Variants in STK39 observed in about 807,000 individuals in gnomAD.
The protein encoded by STK39 is serine/threonine kinase 39, also known as STE20/SPS1-related proline-alanine-rich protein kinase.
Under a neutral mutation model 77.8 loss-of-function variants are expected in STK39, and 20 were observed. The ratio of observed to expected loss-of-function variants is 0.26; its 90% confidence interval spans 0.18 to 0.37. The LOEUF is 0.37. STK39 is among the 10% of genes least tolerant of loss of function. STK39 has a pLI of 1.00. For synonymous variants in STK39, 246 were observed against 234.1 expected, an observed-to-expected ratio of 1.05 and a Z score of -0.47; for missense variants, 479 against 656.5, an observed-to-expected ratio of 0.73 and a Z score of 2.95.
chr2:168,051,859 T>G (rs1274754733), intron 14 of STK39, among the ~76,000 whole-genome samples: 1 of 151,948 alleles, frequency 6.6e-6, no homozygotes, highest in Non-Finnish European at 1.5e-5. Flanking sequence ...ACCTGAGAGC[T>G]CCCCTGAAAA....
chr2:168,136,266 G>T (rs1018169294), intron 8 of STK39, among the ~76,000 whole-genome samples: 1 of 151,388 alleles, frequency 6.6e-6, no homozygotes, highest in Non-Finnish European at 1.5e-5. Context: ...CTACTCGGGA[G>T]AGTGAGGCAG....
chr2:168,134,512 CAAAAA>C (rs34222654), intron 8 of STK39, among the ~76,000 whole-genome samples: 1 of 128,426 alleles, frequency 7.8e-6, no homozygotes. Flanking sequence ...CCCCTTGTTG[CAAAAA>C]AAAAAAAAAA....
At chr2:167,969,722 C>T (rs1336494493) in intron 16 of STK39, among the ~76,000 whole-genome samples, 1 of 152,216 alleles carries the variant, frequency 6.6e-6, no homozygotes, top group Non-Finnish European at 1.5e-5. Flanking sequence ...CAACTTGCCA[C>T]TAGACTCGTC....
intron 5 of STK39, among the ~76,000 whole-genome samples, chr2:168,151,678 G>A (rs1391883518): frequency 6.6e-6 from 1 of 151,060 alleles, no homozygotes; most frequent in Non-Finnish European, 1.5e-5. Flanking sequence ...GGTGGAGGTT[G>A]CAGTGAGCCG....
intron 1 of STK39, among the ~76,000 whole-genome samples, chr2:168,198,399 G>A (rs1689528102): frequency 6.6e-6 from 1 of 152,108 alleles, no homozygotes; most frequent in South Asian, 2.1e-4. Context: ...TAATTTCAAA[G>A]GGATAACCCA....
At chr2:168,232,384 C>T (rs1574578314) in intron 1 of STK39, among the ~76,000 whole-genome samples, 2 of 152,096 alleles carry the variant, frequency 1.3e-5, no homozygotes, top group Non-Finnish European at 2.9e-5. Flanking sequence ...TTTGTCACTC[C>T]CTTTCTTCCA....
chr2:168,029,742 AC>A (rs1189076521), intron 14 of STK39, among the ~76,000 whole-genome samples: 1 of 152,192 alleles, frequency 6.6e-6, no homozygotes. Context: ...AAGTCTATGT[AC>A]TGATTAGACA....
intron 8 of STK39, among the ~76,000 whole-genome samples, chr2:168,132,707 G>C (rs3769415): frequency 0.81 from 122,827 of 152,100 alleles, 49,546 homozygotes; most frequent in Admixed American, 0.82. Flanking sequence ...TTGCTCCCTA[G>C]TGGCACTCAT....
intron 16 of STK39, among the ~76,000 whole-genome samples, chr2:167,985,063 A>T (rs13429853): frequency 6.6e-6 from 1 of 152,016 alleles, no homozygotes; most frequent in Non-Finnish European, 1.5e-5. Flanking sequence ...TTCTAAGACA[A>T]CTGCCTGCAT....
intron 1 of STK39, among the ~76,000 whole-genome samples, chr2:168,242,546 C>CAAAAA (rs1186813675): frequency 1.6e-3 from 28 of 17,532 alleles, no homozygotes; most frequent in Admixed American, 0.01. Context: ...AAGACTCTTA[C>CAAAAA]AAAAAAAAAA....
chr2:167,985,349 CTTGT>C (rs1243572429), intron 16 of STK39, among the ~76,000 whole-genome samples: 2 of 152,304 alleles, frequency 1.3e-5, no homozygotes, highest in African/African-American at 2.4e-5. Context: ...TGTTTGTGCA[CTTGT>C]TTGTTTCACA....
chr2:168,171,360 G>A (rs567321872), intron 2 of STK39, among the ~76,000 whole-genome samples: 35 of 151,622 alleles, frequency 2.3e-4, no homozygotes, highest in African/African-American at 8.2e-4. Context: ...CATTACGCGC[G>A]TCATGCTAGG....
At chr2:168,160,414 G>C (rs1432428821) in intron 5 of STK39, among the ~76,000 whole-genome samples, 1 of 152,188 alleles carries the variant, frequency 6.6e-6, no homozygotes, top group Non-Finnish European at 1.5e-5. Context: ...GTCAGTGCAA[G>C]GGAGTATCAC....
At chr2:168,079,677 A>G (rs1245306087) in intron 10 of STK39, among the ~76,000 whole-genome samples, 1 of 152,138 alleles carries the variant, frequency 6.6e-6, no homozygotes, top group Non-Finnish European at 1.5e-5. Flanking sequence ...CAAAATCAGA[A>G]TCTTCCTTTT....
At chr2:168,003,536 T>C (rs1684052825) in intron 16 of STK39, among the ~76,000 whole-genome samples, 1 of 152,190 alleles carries the variant, frequency 6.6e-6, no homozygotes, top group Non-Finnish European at 1.5e-5. Flanking sequence ...TACAATCAAA[T>C]AGGCTGCAGT....
intron 1 of STK39, among the ~76,000 whole-genome samples, chr2:168,201,195 C>A (rs1204070225): frequency 6.6e-6 from 1 of 152,234 alleles, no homozygotes; most frequent in Non-Finnish European, 1.5e-5. Context: ...CTCACACTTT[C>A]ATTTATTAAG....
intron 1 of STK39, among the ~76,000 whole-genome samples, chr2:168,207,912 TG>T: frequency 6.6e-6 from 1 of 151,976 alleles, no homozygotes; most frequent in East Asian, 1.9e-4. Flanking sequence ...TAAGCAAAAG[TG>T]GAGGGAAGAG....
At chr2:168,212,577 G>C (rs879446997) in intron 1 of STK39, among the ~76,000 whole-genome samples, 3 of 152,198 alleles carry the variant, frequency 2.0e-5, no homozygotes, top group Admixed American at 2.0e-4. Context: ...ATGCCTCAAA[G>C]AGCACTAAGT....
At chr2:168,156,935 A>G (rs1253954482) in intron 5 of STK39, among the ~76,000 whole-genome samples, 1 of 152,168 alleles carries the variant, frequency 6.6e-6, no homozygotes, top group Non-Finnish European at 1.5e-5. Context: ...AACACAAAAA[A>G]TAACTCTTAA....
Sources: gnomAD v4.1 joint callset for allele counts (sites outside exome capture counted in the v4.1 genomes callset) on GRCh38, gnomAD v4.1.1 for gene constraint, MANE v1.5 for transcripts, NCBI Gene and HGNC (gene_info 2026-07-23, HGNC 2026-07-21) for gene names.